Variants in SMC3 observed in about 807,000 individuals in gnomAD.
SMC3 encodes structural maintenance of chromosomes protein 3.
A neutral mutation model predicts 171.8 loss-of-function variants in SMC3; 20 were observed. The observed-to-expected ratio is 0.12, with a 90% CI of 0.08 to 0.17. The LOEUF (loss-of-function observed/expected upper bound fraction) is 0.17, where lower values mean the gene tolerates loss of function less well. Among genes scored for constraint, SMC3 ranks in the 10% least tolerant of loss-of-function variants. SMC3 has a pLI of 1.00. For missense variants in SMC3, 543 were observed against 1,420.4 expected (o/e 0.38, Z 9.93); for synonymous variants, 464 against 451.1 (o/e 1.03, Z -0.36).
intron 1 of SMC3, chr10:110,568,572 G>C: frequency 4.1e-6 from 1 of 242,274 alleles, no homozygotes; most frequent in East Asian, 1.2e-4. Flanking sequence ...AGCACTCGGT[G>C]GTCTTGGAGT....
chr10:110,583,092 AT>A (rs1460596077), intron 10 of SMC3, among the ~76,000 whole-genome samples: 2 of 151,882 alleles, frequency 1.3e-5, no homozygotes, highest in African/African-American at 4.8e-5. Context: ...GAATCTCAGT[AT>A]GTTGCCCAGG....
intron 7 of SMC3, among the ~76,000 whole-genome samples, chr10:110,579,703 A>G (rs1256583079): frequency 1.3e-5 from 2 of 152,180 alleles, no homozygotes; most frequent in South Asian, 4.1e-4. Context: ...GCAGTGGCAC[A>G]TATGTTGTAG....
intron 18 of SMC3, 138 bp downstream of exon 18, chr10:110,593,361 C>G: frequency 3.7e-6 from 3 of 813,460 alleles, no homozygotes; most frequent in Non-Finnish European, 5.9e-6. Flanking sequence ...CACCTGAAGT[C>G]AGGAGTTCAA....
At chr10:110,583,693 G>A in intron 11 of SMC3, 145 bp downstream of exon 11, 1 of 1,162,656 alleles carries the variant, frequency 8.6e-7, no homozygotes, top group Non-Finnish European at 1.3e-6. Flanking sequence ...GTAACAACTT[G>A]GTACTGTCCC....
intron 8 of SMC3, 85 bp downstream of exon 8, chr10:110,581,106 G>T: frequency 1.3e-6 from 1 of 795,616 alleles, no homozygotes; most frequent in Non-Finnish European, 2.3e-6. Flanking sequence ...GAATATAGTA[G>T]GTGTTTAGTA....
At position 110,583,571 on chromosome 10, in the gene SMC3, A is replaced by G. The variant is rs79429105; in HGVS notation, c.969+23A>G. The G allele has an allele frequency of 0.02, 32,560 of 1,611,056 alleles. 502 individuals are homozygous for G. Among genetic ancestry groups the G allele is most frequent in the South Asian group, 0.055 (5,024 of 90,938 alleles). ...AGGGTAAGTTAAAATGCTAAAAATG[A>G]AAGATGTGAATGTTCAGGTGAGTAG... On this transcript the variant is annotated intron_variant, in intron 11 of 28. Transcript: ENST00000361804.
intron 10 of SMC3, 42 bp downstream of exon 10, chr10:110,582,684 T>G: frequency 1.4e-6 from 2 of 1,452,504 alleles, no homozygotes; most frequent in Non-Finnish European, 9.6e-7. Context: ...ACTTTTTACT[T>G]TTGAGACAGG....
Position 110,567,791 on chromosome 10 carries a change from T to G in SMC3, c.-26T>G. On this transcript the variant is annotated 5_prime_UTR_variant, in exon 1 of 29. Coordinates refer to ENST00000361804, the MANE Select transcript of SMC3 (RefSeq NM_005445.4). Reference sequence around the variant, plus strand: ...TGCGGTTGCTGCTCCGGGGCAGGTCTCCTTCCAGGCCAGGGGCCCGGAATC... The same window carrying G: ...TGCGGTTGCTGCTCCGGGGCAGGTCGCCTTCCAGGCCAGGGGCCCGGAATC... 1.2e-6 allele frequency: 2 copies of G among 1,613,398 alleles called. 1 individual carries two copies. Among genetic ancestry groups the G allele is most frequent in the South Asian group, 2.2e-5 (2 of 91,076 alleles).
chr10:110,587,174 A>G (rs1033422646), intron 13 of SMC3, among the ~76,000 whole-genome samples: 2 of 152,176 alleles, frequency 1.3e-5, no homozygotes, highest in Non-Finnish European at 2.9e-5. Context: ...ACTGCTGTGG[A>G]GAAGGGGAAG....
rs908524564 is a variant in SMC3 at position 110,604,709 on chromosome 10, C to G, written c.*407C>G. The stretch of plus-strand genomic sequence containing the variant: ...ACACTAATCAGATTGGATGTAAGGC[C>G]TCATTTTAACTTAATCACCTCTTTA... On this transcript the variant is annotated 3_prime_UTR_variant, in exon 29 of 29. Coordinates refer to ENST00000361804, the MANE Select transcript of SMC3 (RefSeq NM_005445.4). The G allele has an allele frequency of 5.6e-6, 1 of 179,682 alleles. No individual in the cohort carries two copies. The highest frequency in any genetic ancestry group is 2.4e-5 in the African/African-American group (1 of 41,600). 11.1% of individuals were successfully genotyped at this position (179,682 alleles called of 1,614,324 possible).
intron 2 of SMC3, among the ~76,000 whole-genome samples, chr10:110,572,410 T>C (rs1345026534): frequency 6.6e-6 from 1 of 152,222 alleles, no homozygotes; most frequent in African/African-American, 2.4e-5. Flanking sequence ...AGGTATTGCA[T>C]AGTTGTCATG....
chr10:110,595,744 ATTT>A (rs56285126), intron 18 of SMC3, among the ~76,000 whole-genome samples: 11 of 151,006 alleles, frequency 7.3e-5, no homozygotes, highest in South Asian at 4.2e-4. Context: ...TGATTCATGA[ATTT>A]TTTTTTTTTA....
chr10:110,602,444 AT>A, intron 25 of SMC3, 29 bp from the exon 26 acceptor site: 1 of 1,575,604 alleles, frequency 6.3e-7, no homozygotes, highest in East Asian at 2.3e-5. Flanking sequence ...TCTAAGCAAA[AT>A]TTATATTTCA....
chr10:110,604,531 C>G lies in SMC3; in HGVS notation c.*229C>G, dbSNP rs1282814548. 1 of 469,154 alleles carries G rather than the reference C, an allele frequency of 2.1e-6. No homozygotes were observed. The highest frequency in any genetic ancestry group is 3.8e-6 in the Non-Finnish European group (1 of 262,164). The allele number at this position is 469,154 out of a possible 1,614,324, so 29.1% of individuals were successfully genotyped here. ...CAACTTTTTGTAAAATGTTCTGCTCCTATTTTAAATGTTTTGAAACATGCT... is the reference window on the plus strand; with the variant it reads ...CAACTTTTTGTAAAATGTTCTGCTCGTATTTTAAATGTTTTGAAACATGCT... On this transcript the variant is annotated 3_prime_UTR_variant, in exon 29 of 29. Coordinates refer to ENST00000361804, the MANE Select transcript of SMC3 (RefSeq NM_005445.4).
In SMC3 at chr10:110,602,935, G is replaced by A. The variant is rs374061811; in HGVS notation, c.3408G>A (p.Pro1136=). The A allele has an allele frequency of 3.9e-5, 63 of 1,613,964 alleles. No individual in the cohort carries two copies. Among genetic ancestry groups the A allele is most frequent in the South Asian group, 4.4e-5 (4 of 91,088 alleles). The change falls in exon 27 of 29, where the codon CCG becomes CCA. Residue 1136 remains proline, a synonymous_variant. Transcript: ENST00000361804. The part of the protein sequence containing the change: ...ALIFAIQKCD[P]APFYLFDEID... ...TTTTTGCCATTCAGAAATGTGACCCGGCTCCATTTTACTTGTTTGATGAAA... is the reference window on the plus strand; with the variant it reads ...TTTTTGCCATTCAGAAATGTGACCCAGCTCCATTTTACTTGTTTGATGAAA...
intron 7 of SMC3, among the ~76,000 whole-genome samples, 182 bp downstream of exon 7, chr10:110,578,888 G>T (rs536315785): frequency 8.6e-4 from 131 of 152,320 alleles, no homozygotes; most frequent in Middle Eastern, 3.4e-3. Flanking sequence ...AGCATATTAA[G>T]TGGATCTTGT....
chr10:110,603,926 C>T (rs774103578), intron 28 of SMC3, among the ~76,000 whole-genome samples: 2 of 151,758 alleles, frequency 1.3e-5, no homozygotes, highest in Non-Finnish European at 2.9e-5. Flanking sequence ...AAACCCCCGT[C>T]TCTACTAAAA....
intron 18 of SMC3, among the ~76,000 whole-genome samples, chr10:110,594,464 T>G (rs1861263295): frequency 6.6e-6 from 1 of 152,152 alleles, no homozygotes; most frequent in Non-Finnish European, 1.5e-5. Flanking sequence ...TAGCTCTTCT[T>G]TTGGTAGTCA....
intron 1 of SMC3, chr10:110,568,204 G>A: frequency 2.8e-6 from 1 of 355,282 alleles, no homozygotes; most frequent in Non-Finnish European, 5.2e-6. Flanking sequence ...GTGTGGTCCT[G>A]CAGGGGTGGC....
Sources: allele counts gnomAD v4.1 joint callset (sites outside exome capture counted in the v4.1 genomes callset), GRCh38; gene constraint gnomAD v4.1.1; transcripts MANE v1.5; gene names NCBI Gene and HGNC (gene_info 2026-07-23, HGNC 2026-07-21).